Variants in ERC2 observed in about 807,000 individuals in gnomAD.
ERC2 encodes ERC protein 2.
Under a neutral mutation model 114.8 loss-of-function variants are expected in ERC2, and 42 were observed. The ratio of observed to expected loss-of-function variants is 0.37; its 90% CI spans 0.29 to 0.47. The LOEUF (loss-of-function observed/expected upper bound fraction) is 0.47, where lower values mean the gene tolerates loss of function less well. Among genes scored for constraint, ERC2 ranks in the 20% least tolerant of loss-of-function variants. The pLI is 0.99. For missense variants in ERC2, 939 were observed against 1,150.7 expected (o/e 0.82, Z 2.66); for synonymous variants, 454 against 425.5 (o/e 1.07, Z -0.82).
chr3:56,345,584 A>T (rs1357252758), intron 2 of ERC2, among the ~76,000 whole-genome samples: 24 of 152,204 alleles, frequency 1.6e-4, no homozygotes. Context: ...ATAATGAAAC[A>T]TTTATACAAA....
intron 2 of ERC2, among the ~76,000 whole-genome samples, chr3:56,365,558 C>T (rs2059118246): frequency 6.6e-6 from 1 of 152,198 alleles, no homozygotes; most frequent in Non-Finnish European, 1.5e-5. Context: ...GATTGGCAAA[C>T]CATGGCCAAA....
intron 14 of ERC2, among the ~76,000 whole-genome samples, chr3:55,802,725 C>T (rs1157056368): frequency 1.3e-5 from 2 of 152,082 alleles, no homozygotes; most frequent in African/African-American, 4.8e-5. Flanking sequence ...TGGAATAACC[C>T]AAGTTAGTTG....
intron 2 of ERC2, among the ~76,000 whole-genome samples, chr3:56,419,236 CT>C (rs5849152): frequency 0.83 from 126,897 of 152,122 alleles, 53,234 homozygotes; most frequent in East Asian, 0.94. Flanking sequence ...GTTCCTTGCT[CT>C]TATCACAAAT....
At chr3:56,093,897 T>C (rs1190353019) in intron 6 of ERC2, among the ~76,000 whole-genome samples, 1 of 152,034 alleles carries the variant, frequency 6.6e-6, no homozygotes, top group Admixed American at 6.6e-5. Context: ...CTTTTCTGAG[T>C]GTTGTGCAAA....
intron 5 of ERC2, 82 bp from the exon 6 acceptor site, chr3:56,139,758 A>C: frequency 7.1e-7 from 1 of 1,414,078 alleles, no homozygotes; most frequent in Non-Finnish European, 9.6e-7. Flanking sequence ...ATTTCTCTCC[A>C]TTTCAGCAGC....
At chr3:56,331,910 G>C (rs1421028002) in intron 2 of ERC2, among the ~76,000 whole-genome samples, 1 of 152,144 alleles carries the variant, frequency 6.6e-6, no homozygotes, top group Non-Finnish European at 1.5e-5. Flanking sequence ...CTAAATTTTT[G>C]AGGACAAGTA....
chr3:55,753,701 G>C (rs114138881), intron 14 of ERC2, among the ~76,000 whole-genome samples: 34 of 152,330 alleles, frequency 2.2e-4, no homozygotes, highest in South Asian at 6.2e-4. Flanking sequence ...CGACTATCTG[G>C]AGGAGGCACA....
At chr3:56,362,855 T>C (rs539475568) in intron 2 of ERC2, among the ~76,000 whole-genome samples, 1 of 152,320 alleles carries the variant, frequency 6.6e-6, no homozygotes, top group East Asian at 1.9e-4. Context: ...GTTATTGTAG[T>C]GTCTTTCTTG....
intron 17 of ERC2, among the ~76,000 whole-genome samples, chr3:55,550,982 C>G (rs1336560449): frequency 6.8e-6 from 1 of 147,842 alleles, no homozygotes; most frequent in Non-Finnish European, 1.5e-5. Context: ...CGCCACTGCA[C>G]TCCAGCCTGG....
intron 5 of ERC2, among the ~76,000 whole-genome samples, chr3:56,142,276 T>C (rs964676951): frequency 5.3e-5 from 8 of 152,196 alleles, no homozygotes; most frequent in Non-Finnish European, 8.8e-5. Context: ...TTCCTTTTCA[T>C]TTCTAATATT....
intron 17 of ERC2, among the ~76,000 whole-genome samples, chr3:55,584,854 A>G (rs1040388909): frequency 1.3e-5 from 2 of 152,230 alleles, no homozygotes; most frequent in Non-Finnish European, 2.9e-5. Context: ...TCCCGCCCCA[A>G]GAAGGAAGAT....
intron 17 of ERC2, among the ~76,000 whole-genome samples, chr3:55,561,464 G>A (rs1261330859): frequency 2.0e-5 from 3 of 152,118 alleles, no homozygotes; most frequent in African/African-American, 7.2e-5. Context: ...TTCACTCAAA[G>A]GCATTTATGG....
intron 14 of ERC2, among the ~76,000 whole-genome samples, chr3:55,776,111 T>C (rs1024749154): frequency 6.6e-6 from 1 of 152,180 alleles, no homozygotes; most frequent in African/African-American, 2.4e-5. Context: ...CATACTTTTT[T>C]TTTTCTTTTC....
At chr3:56,144,275 T>G (rs558240175) in intron 5 of ERC2, among the ~76,000 whole-genome samples, 3 of 152,310 alleles carry the variant, frequency 2.0e-5, no homozygotes, top group African/African-American at 7.2e-5. Context: ...CTCTCTCTCA[T>G]ACATAACAAG....
chr3:56,404,571 T>G (rs1387075422), intron 2 of ERC2, among the ~76,000 whole-genome samples: 1 of 152,006 alleles, frequency 6.6e-6, no homozygotes, highest in East Asian at 1.9e-4. Flanking sequence ...TAGCTAAGAG[T>G]ATAATTAGAT....
chr3:55,581,614 C>G (rs1414523794), intron 17 of ERC2, among the ~76,000 whole-genome samples: 1 of 152,142 alleles, frequency 6.6e-6, no homozygotes, highest in African/African-American at 2.4e-5. Context: ...AACCAGTGGT[C>G]CTTATACCTC....
rs112036471 is a variant in ERC2, at chr3:56,213,248, G to C, written c.1075-39728C>G. Among the ~76,000 whole-genome samples the C allele has an allele frequency of 5.5e-3, 831 of 152,312 alleles. 7 individuals are homozygous for C. Among genetic ancestry groups the C allele is most frequent in the African/African-American group, 0.019 (799 of 41,566 alleles). On this transcript the variant is annotated intron_variant, in intron 3 of 17. Coordinates refer to ENST00000288221, the MANE Select transcript of ERC2 (RefSeq NM_015576.3). ...CTCACCCAGGAAGTGCAAGGGGTCAGGGAATTCCCTTTCCTAGCCAAGGAA... is the reference window on the plus strand; with the variant it reads ...CTCACCCAGGAAGTGCAAGGGGTCACGGAATTCCCTTTCCTAGCCAAGGAA...
chr3:56,093,978 G>C (rs966456089), intron 6 of ERC2, among the ~76,000 whole-genome samples: 6 of 152,174 alleles, frequency 3.9e-5, no homozygotes, highest in Non-Finnish European at 7.3e-5. Flanking sequence ...GTGGGCTCTA[G>C]TGGTTTATGG....
intron 17 of ERC2, among the ~76,000 whole-genome samples, chr3:55,589,712 T>C (rs1476750849): frequency 1.3e-5 from 2 of 151,048 alleles, no homozygotes; most frequent in African/African-American, 2.4e-5. Flanking sequence ...GCAGGAAGAG[T>C]TGTCAGGCAA....
Sources: gnomAD v4.1 joint callset for allele counts (sites outside exome capture counted in the v4.1 genomes callset) on GRCh38, gnomAD v4.1.1 for gene constraint, MANE v1.5 for transcripts, NCBI Gene and HGNC (gene_info 2026-07-23, HGNC 2026-07-21) for gene names.